IGSF21: variants seen among roughly 807,000 people sequenced by gnomAD.
IGSF21 encodes immunoglobulin superfamily member 21.
In IGSF21, 28 loss-of-function variants were observed where a neutral mutation model predicts 46.8. That is an observed-to-expected ratio of 0.60 (90% CI 0.44 to 0.82). The LOEUF (loss-of-function observed/expected upper bound fraction) is 0.82. Ranked by LOEUF, IGSF21 falls within the 40% of genes least tolerant of loss-of-function variation. The pLI, the probability that IGSF21 is intolerant of heterozygous loss-of-function variation, is 0.00. For synonymous variants in IGSF21, 284 were observed against 273.6 expected (o/e 1.04, Z -0.38); for missense variants, 624 against 665.5 (o/e 0.94, Z 0.69).
At chr1:18,238,010 G>T (rs958579926) in intron 2 of IGSF21, among the ~76,000 whole-genome samples, 7 of 53,206 alleles carry the variant, frequency 1.3e-4, no homozygotes, top group African/African-American at 2.9e-4. Flanking sequence ...GCTTCTGGGG[G>T]TGCTCAAACC....
chr1:18,372,796 A>G (rs2086240252), intron 6 of IGSF21, among the ~76,000 whole-genome samples: 1 of 124,306 alleles, frequency 8.0e-6, no homozygotes, highest in East Asian at 2.7e-4. Flanking sequence ...ATGGATGAAT[A>G]GATGGATGTT....
chr1:18,287,280 C>T (rs1204097680), intron 2 of IGSF21, among the ~76,000 whole-genome samples: 3 of 151,866 alleles, frequency 2.0e-5, no homozygotes, highest in Non-Finnish European at 4.4e-5. Context: ...CCTGTAGTCT[C>T]AACTACTTGG....
chr1:18,179,831 A>G (rs1396890044), intron 1 of IGSF21, among the ~76,000 whole-genome samples: 2 of 152,330 alleles, frequency 1.3e-5, no homozygotes, highest in East Asian at 3.9e-4. Flanking sequence ...TCTATGAATA[A>G]CAAAAGTAAT....
intron 9 of IGSF21, 87 bp from the exon 10 acceptor site, chr1:18,378,169 C>A (rs72940710): frequency 3.7e-6 from 4 of 1,085,416 alleles, no homozygotes; most frequent in Non-Finnish European, 5.6e-6. Context: ...TGAAATCCAG[C>A]GTCTTTGTTG....
At chr1:18,194,488 C>G (rs1307304935) in intron 1 of IGSF21, among the ~76,000 whole-genome samples, 1 of 152,170 alleles carries the variant, frequency 6.6e-6, no homozygotes, top group African/African-American at 2.4e-5. Flanking sequence ...TCCTTTCTGC[C>G]TCTTCCAGCT....
chr1:18,338,048 C>T (rs1434604082), intron 4 of IGSF21, among the ~76,000 whole-genome samples: 14 of 152,076 alleles, frequency 9.2e-5, no homozygotes, highest in Admixed American at 9.2e-4. Context: ...ACCACATGGG[C>T]CTGGGAGGCA....
chr1:18,284,601 G>C (rs2124559126), intron 2 of IGSF21, among the ~76,000 whole-genome samples: 1 of 152,350 alleles, frequency 6.6e-6, no homozygotes, highest in Non-Finnish European at 1.5e-5. Context: ...TCGCGTTACA[G>C]ATGAGGAAAC....
intron 2 of IGSF21, among the ~76,000 whole-genome samples, chr1:18,244,851 C>G (rs969987662): frequency 1.3e-5 from 2 of 152,136 alleles, no homozygotes; most frequent in African/African-American, 4.8e-5. Context: ...GCCTGAGAGA[C>G]AGCATTTTTA....
At chr1:18,345,941 T>C (rs75528936) in intron 4 of IGSF21, among the ~76,000 whole-genome samples, 63 of 152,322 alleles carry the variant, frequency 4.1e-4, no homozygotes, top group African/African-American at 1.3e-3. Flanking sequence ...TGAAAGTTTA[T>C]TTCATTTCCC....
At chr1:18,231,069 C>T (rs1019817526) in intron 2 of IGSF21, among the ~76,000 whole-genome samples, 8 of 152,140 alleles carry the variant, frequency 5.3e-5, no homozygotes, top group African/African-American at 1.9e-4. Flanking sequence ...ATAGATTACA[C>T]AGGCCCAGTC....
At chr1:18,276,783 C>T (rs1374888513) in intron 2 of IGSF21, among the ~76,000 whole-genome samples, 1 of 152,202 alleles carries the variant, frequency 6.6e-6, no homozygotes, top group African/African-American at 2.4e-5. Flanking sequence ...GACTCCCTGT[C>T]TCAACACTGG....
At chr1:18,255,534 CT>C (rs2084884122) in intron 2 of IGSF21, among the ~76,000 whole-genome samples, 1 of 152,128 alleles carries the variant, frequency 6.6e-6, no homozygotes, top group Non-Finnish European at 1.5e-5. Flanking sequence ...ATGGCCCTCC[CT>C]TTCTTCCACA....
intron 1 of IGSF21, among the ~76,000 whole-genome samples, chr1:18,197,796 G>C (rs1249488030): frequency 6.6e-6 from 1 of 152,222 alleles, no homozygotes; most frequent in East Asian, 1.9e-4. Context: ...TCATATTGGG[G>C]CTATGGTGAA....
Position 18,378,412 on chromosome 1 carries a change from C to A in IGSF21, c.*86C>A. 8.8e-7 allele frequency: 1 copy of A among 1,133,142 alleles called. No homozygotes were observed. The highest frequency in any genetic ancestry group is 1.3e-6 in the Non-Finnish European group (1 of 775,926). The allele number at this position is 1,133,142 out of a possible 1,614,324, so 70.2% of individuals were successfully genotyped here. A position where few individuals can be genotyped will look rare whatever the true frequency, so the allele number is the denominator to read the frequency against. On this transcript the variant is annotated 3_prime_UTR_variant, in exon 10 of 10. Coordinates refer to ENST00000251296, the MANE Select transcript of IGSF21 (RefSeq NM_032880.5). ...TTTCTAAACTATTTCCAGTCTTGTT[C>A]TTAGTCTCTTTCCATCTGTGTCTTG...
intron 1 of IGSF21, among the ~76,000 whole-genome samples, chr1:18,145,660 G>C (rs1452658886): frequency 1.3e-5 from 2 of 152,110 alleles, no homozygotes; most frequent in African/African-American, 4.8e-5. Context: ...TAGATGTTTT[G>C]AAGTCCAAAC....
intron 3 of IGSF21, among the ~76,000 whole-genome samples, chr1:18,330,324 T>C (rs963918509): frequency 6.6e-6 from 1 of 152,148 alleles, no homozygotes; most frequent in African/African-American, 2.4e-5. Flanking sequence ...TGGTTGGAAG[T>C]GGGGGGATCC....
chr1:18,310,565 G>T (rs2085479808), intron 3 of IGSF21, among the ~76,000 whole-genome samples: 1 of 152,182 alleles, frequency 6.6e-6, no homozygotes, highest in South Asian at 2.1e-4. Context: ...TTGAATGTAA[G>T]CATTCATTTT....
At chr1:18,240,396 A>G (rs1334420658) in intron 2 of IGSF21, among the ~76,000 whole-genome samples, 1 of 152,236 alleles carries the variant, frequency 6.6e-6, no homozygotes, top group Middle Eastern at 3.2e-3. Flanking sequence ...TGTCAAATAA[A>G]TGCTTCTTTC....
At position 18,365,464 on chromosome 1, in the gene IGSF21, C is replaced by T. The variant is rs1357183178; in HGVS notation, c.782C>T (p.Thr261Ile). ...GATCCCAACATCCTCCTCCAGCCAA[C>T]CACAGAGAACATACCAGAGACGGTC... is the stretch of plus-strand genomic sequence containing the variant. ...TPDPNILLQPTTENIPETVVS... is the reference protein window; with the variant it reads ...TPDPNILLQPITENIPETVVS... Residue 261 changes from threonine (T) to isoleucine (I), a missense_variant, in exon 6 of 10, where the codon ACC becomes ATC. Thr to Ile is a moderately conservative substitution (Grantham distance 89). Transcript: ENST00000251296. The surrounding 1 kb of genome is among the most constrained non-coding windows in gnomAD (Gnocchi z 4.8). 1.2e-6 allele frequency: 2 copies of T among 1,614,158 alleles called. No individual in the cohort carries two copies. Among genetic ancestry groups the T allele is most frequent in the Non-Finnish European group, 8.5e-7 (1 of 1,180,034 alleles).
Sources: gnomAD v4.1 joint callset for allele counts (sites outside exome capture counted in the v4.1 genomes callset) on GRCh38, gnomAD v4.1.1 for gene constraint, Gnocchi (gnomAD v3.1) non-coding constraint, MANE v1.5 for transcripts, NCBI Gene and HGNC (gene_info 2026-07-23, HGNC 2026-07-21) for gene names.